The following PLIN2 variants were observed in gnomAD, a reference collection of about 807,000 sequenced individuals.
The protein encoded by PLIN2 is perilipin 2, also known as perilipin-2.
Under a neutral mutation model 30.6 loss-of-function variants are expected in PLIN2, and 33 were observed. That is an observed-to-expected ratio of 1.08 (90% CI 0.82 to 1.44). The LOEUF (loss-of-function observed/expected upper bound fraction) is 1.44, where lower values mean the gene tolerates loss of function less well. Ranked by LOEUF, PLIN2 falls within the 40% of genes most tolerant of loss-of-function variation. The pLI, the probability that PLIN2 is intolerant of heterozygous loss-of-function variation, is 0.00. For missense variants in PLIN2, 610 were observed against 531.8 expected (o/e 1.15, Z -1.45); for synonymous variants, 205 against 201.1 (o/e 1.02, Z -0.16).
At chr9:19,113,777 T>G (rs538677714), downstream of PLIN2, among the ~76,000 whole-genome samples, 14 of 149,284 alleles carry the variant, frequency 9.4e-5, no homozygotes, top group East Asian at 2.0e-4. Flanking sequence ...ATTTTTGGTT[T>G]TTTTTTTTTT....
chr9:19,113,654 A>G (rs1256596854), downstream of PLIN2, among the ~76,000 whole-genome samples: 2 of 151,462 alleles, frequency 1.3e-5, no homozygotes, highest in African/African-American at 2.4e-5. Flanking sequence ...GCTCACTGCA[A>G]CCTTCACCTG....
In PLIN2 at chr9:19,116,580, G is replaced by T; in HGVS notation, c.982C>A (p.Leu328Ile). ...GGTACACCTTGGATGTTGGACAGGA[G>T]GGTGTGGCACGTGGTCTGGAGCTGC... Reference protein sequence around the residue: ...TQQLQTTCHTLLSNIQGVPQN... With the variant: ...TQQLQTTCHTILSNIQGVPQN... The change falls in exon 8 of 8, where the codon CTC becomes ATC. Residue 328 changes from leucine (L) to isoleucine (I), a missense_variant. Coordinates refer to ENST00000276914, the MANE Select transcript of PLIN2 (RefSeq NM_001122.4). The T allele has an allele frequency of 1.2e-6, 2 of 1,614,148 alleles. No individual in the cohort carries two copies. Among genetic ancestry groups the T allele is most frequent in the Non-Finnish European group, 1.7e-6 (2 of 1,179,986 alleles).
In PLIN2 at chr9:19,116,379, T is replaced by C. The variant is rs748111603; in HGVS notation, c.1183A>G (p.Asn395Asp). The change falls in exon 8 of 8, where the codon AAC becomes GAC. Residue 395 changes from asparagine (N) to aspartate (D), a missense_variant. Asn to Asp is a conservative substitution (Grantham distance 23). Transcript: ENST00000276914. ...CCTACCAGCCAGTTGAGGGGCGTGT[T>C]GTTAACAAGATAATCCATCACGTCA... is the stretch of plus-strand genomic sequence containing the variant. The part of the protein sequence containing the change: ...LDDVMDYLVN[N>D]TPLNWLVGPF... The C allele has an allele frequency of 6.2e-7, 1 of 1,614,094 alleles. No homozygotes were observed. Among genetic ancestry groups the C allele is most frequent in the Non-Finnish European group, 8.5e-7 (1 of 1,180,052 alleles).
downstream of PLIN2, among the ~76,000 whole-genome samples, chr9:19,111,141 T>G (rs967760629): frequency 8.5e-5 from 13 of 152,102 alleles, no homozygotes; most frequent in African/African-American, 3.1e-4. Flanking sequence ...CACTGCAACC[T>G]TCGCCTCCCA....
In PLIN2 at chr9:19,119,694, T is replaced by TA; in HGVS notation, c.732_733insT (p.Lys245Ter). On this transcript the variant is annotated frameshift_variant, in exon 6 of 8. Coordinates refer to ENST00000276914, the MANE Select transcript of PLIN2 (RefSeq NM_001122.4). LOFTEE classifies it high-confidence loss of function. ...AGCTGAGAAATGGTCTGTTGGCTTT[T>TA]TTGCTTAGCTTCTTTAACCCTGCTG... 6.2e-7 allele frequency: 1 copy of TA among 1,608,602 alleles called. No homozygotes were observed. Among genetic ancestry groups the TA allele is most frequent in the African/African-American group, 1.3e-5 (1 of 74,888 alleles).
intron 1 of PLIN2, among the ~76,000 whole-genome samples, chr9:19,126,716 C>T (rs182824767): frequency 9.9e-4 from 151 of 152,306 alleles, no homozygotes; most frequent in African/African-American, 3.4e-3. Flanking sequence ...TGTTGACATA[C>T]TTCTCTTGTT....
In PLIN2 at chr9:19,116,452, G is replaced by C; in HGVS notation, c.1110C>G (p.Leu370=). ...GCAGCTGCCCCTTGCTAGAAGTGAG[G>C]AGGCTGTCAGACACTTCTTTAAAGG... ...AASFKEVSDS[L]LTSSKGQLQK... Residue 370 remains leucine, a synonymous_variant, in exon 8 of 8, where the codon CTC becomes CTG. Transcript: ENST00000276914. 1 of 1,614,174 alleles carries C rather than the reference G, an allele frequency of 6.2e-7. No individual in the cohort carries two copies. The highest frequency in any genetic ancestry group is 8.5e-7 in the Non-Finnish European group (1 of 1,180,024).
At position 19,123,475 on chromosome 9, in the gene PLIN2, G is replaced by C. The variant is rs77739561; in HGVS notation, c.309+90C>G. 8 of 1,597,434 alleles carry C rather than the reference G, an allele frequency of 5.0e-6. No individual in the cohort carries two copies. The Admixed American group carries it at 5.3e-5, about 11-fold the overall frequency. The stretch of plus-strand genomic sequence containing the variant: ...ATCCAGGTTGGGAAAACAAGTATTT[G>C]CCTGTTTGTGATATGTACAGCTTGT... On this transcript the variant is annotated intron_variant, in intron 4 of 7. Coordinates refer to ENST00000276914, the MANE Select transcript of PLIN2 (RefSeq NM_001122.4).
At position 19,120,860 on chromosome 9, in the gene PLIN2, C is replaced by G. The variant is rs777175299; in HGVS notation, c.595+20G>C. On this transcript the variant is annotated intron_variant, in intron 5 of 7. Transcript: ENST00000276914. ...AAAGATTTAATATAAAACAGTATTTCAAGATAAAATTCCAGTTACCTAGTT... is the reference window on the plus strand; with the variant it reads ...AAAGATTTAATATAAAACAGTATTTGAAGATAAAATTCCAGTTACCTAGTT... 1 of 1,585,774 alleles carries G rather than the reference C, an allele frequency of 6.3e-7. No homozygotes were observed. Among genetic ancestry groups the G allele is most frequent in the African/African-American group, 1.3e-5 (1 of 74,474 alleles).
rs1818330529 is a variant in PLIN2 at position 19,122,246 on chromosome 9, T to TCTAAAGG, written c.310-1088_310-1082dup. Among the ~76,000 whole-genome samples, 4 of 152,194 alleles carry TCTAAAGG rather than the reference T, an allele frequency of 2.6e-5. No homozygotes were observed. The South Asian group carries it at 8.3e-4, about 32-fold the overall frequency. Reference sequence around the variant, plus strand: ...AAATTTAAAAGATTTGCACAAGCATTCTAAAGGCTATACACTAAACCTACC... The same window carrying TCTAAAGG: ...AAATTTAAAAGATTTGCACAAGCATTCTAAAGGCTAAAGGCTATACACTAAACCTACC... On this transcript the variant is annotated intron_variant, in intron 4 of 7. Coordinates refer to ENST00000276914, the MANE Select transcript of PLIN2 (RefSeq NM_001122.4).
intron 4 of PLIN2, among the ~76,000 whole-genome samples, 158 bp from the exon 5 acceptor site, chr9:19,121,323 G>A (rs750472797): frequency 1.7e-4 from 26 of 152,232 alleles, no homozygotes; most frequent in Non-Finnish European, 3.5e-4. Context: ...GAGTTGATGA[G>A]CCTGAATTTC....
downstream of PLIN2, among the ~76,000 whole-genome samples, chr9:19,112,587 G>C (rs184085594): frequency 1.3e-5 from 2 of 151,780 alleles, no homozygotes; most frequent in Admixed American, 1.3e-4. Context: ...GCATGCCTAT[G>C]GTCCCAGATA....
downstream of PLIN2, among the ~76,000 whole-genome samples, chr9:19,112,640 G>A (rs1025020295): frequency 4.8e-5 from 7 of 147,192 alleles, no homozygotes; most frequent in Middle Eastern, 3.7e-3. Context: ...CCTGGGAGGC[G>A]AAGCTTGCAG....
chr9:19,119,811 C>G lies in PLIN2; in HGVS notation c.616G>C (p.Glu206Gln). ...GGCTTCTGAACCAGATCAAATCCTT[C>G]AACTTTTTTTGCTTCTTTTTCTGAA... ...EELEKEAKKV[E>Q]GFDLVQKPSY... The change falls in exon 6 of 8, where the codon GAA becomes CAA. Residue 206 changes from glutamate (E) to glutamine (Q), a missense_variant. Transcript: ENST00000276914. 2 of 1,558,226 alleles carry G rather than the reference C, an allele frequency of 1.3e-6. No individual in the cohort carries two copies. Among genetic ancestry groups the G allele is most frequent in the Non-Finnish European group, 1.7e-6 (2 of 1,150,608 alleles).
chr9:19,119,909 CT>C (rs1315899527), intron 5 of PLIN2, 78 bp from the exon 6 acceptor site: 3 of 895,766 alleles, frequency 3.3e-6, no homozygotes, highest in Non-Finnish European at 5.2e-6. Context: ...TAACCTGGGT[CT>C]TGACTTTCTT....
Position 19,116,296 on chromosome 9 carries a change from C to T in PLIN2, c.1266G>A (p.Met422Ile), listed in dbSNP as rs1165517833. ...SQNAQDQGAE[M>I]DKSSQETQRS... ...GCTGGGTCTCCTGGCTGCTCTTGTC[C>T]ATCTCTGCACCTTGGTCCTGAGCAT... Residue 422 changes from methionine (M) to isoleucine (I), a missense_variant, in exon 8 of 8, where the codon ATG (methionine) becomes ATA (isoleucine). By Grantham distance (10) the Met-to-Ile change is conservative. Coordinates refer to ENST00000276914, the MANE Select transcript of PLIN2 (RefSeq NM_001122.4). 1.9e-6 allele frequency: 3 copies of T among 1,611,466 alleles called. No individual in the cohort carries two copies. The highest frequency in any genetic ancestry group is 2.5e-6 in the Non-Finnish European group (3 of 1,178,794).
chr9:19,119,646 T>C lies in PLIN2; in HGVS notation c.777+4A>G, dbSNP rs1818281046. ...CAGACACCTTAAAATAAAGTTTTACTCACCAGGTGAACAGTAGAATGGAGC... is the reference window on the plus strand; with the variant it reads ...CAGACACCTTAAAATAAAGTTTTACCCACCAGGTGAACAGTAGAATGGAGC... On this transcript the variant is annotated splice_donor_region_variant and intron_variant, in intron 6 of 7. Transcript: ENST00000276914. 7.8e-6 allele frequency: 12 copies of C among 1,537,880 alleles called. No homozygotes were observed. The highest frequency in any genetic ancestry group is 1.1e-5 in the Non-Finnish European group (12 of 1,135,064).
At chr9:19,117,578 C>T (rs983989574) in intron 7 of PLIN2, among the ~76,000 whole-genome samples, 2 of 151,928 alleles carry the variant, frequency 1.3e-5, no homozygotes, top group Non-Finnish European at 2.9e-5. Flanking sequence ...GACTCAACTA[C>T]CCCCACTCCA....
At chr9:19,117,897 G>A (rs761744176) in intron 7 of PLIN2, among the ~76,000 whole-genome samples, 1 of 152,172 alleles carries the variant, frequency 6.6e-6, no homozygotes, top group South Asian at 2.1e-4. Flanking sequence ...GATTACAGGC[G>A]TGAGCCATCG....
Sources: gnomAD v4.1 joint callset for allele counts (sites outside exome capture counted in the v4.1 genomes callset) on GRCh38, gnomAD v4.1.1 for gene constraint, MANE v1.5 for transcripts, NCBI Gene and HGNC (gene_info 2026-07-23, HGNC 2026-07-21) for gene names.